Variants in TRMT44 observed in about 807,000 individuals in gnomAD.
TRMT44 encodes probable tRNA (uracil-O(2)-)-methyltransferase.
Under a neutral mutation model 77.3 loss-of-function variants are expected in TRMT44, and 78 were observed. That is an observed-to-expected ratio of 1.01 (90% CI 0.84 to 1.22). The LOEUF is 1.22. Among genes scored for constraint, TRMT44 ranks in the 50% most tolerant of loss-of-function variants. The pLI is 0.00. For synonymous variants in TRMT44, 391 were observed against 383.3 expected, an observed-to-expected ratio of 1.02 and a Z score of -0.23; for missense variants, 1,090 against 964.4, an observed-to-expected ratio of 1.13 and a Z score of -1.73.
At chr4:8,482,067 CT>C (rs1160413650) in intron 2 of TRMT44, among the ~76,000 whole-genome samples, 1 of 152,224 alleles carries the variant, frequency 6.6e-6, no homozygotes, top group Non-Finnish European at 1.5e-5. Flanking sequence ...GTCTGCAAAG[CT>C]TTTGCTAAAC....
chr4:8,440,803 C>T lies in TRMT44; in HGVS notation c.-20C>T, dbSNP rs1560214175. ...TCATCTCGGCGCGCCGCTGCCAGGGCTGTACACCTGCTGGCTGCCATGGCT... is the reference window on the plus strand; with the variant it reads ...TCATCTCGGCGCGCCGCTGCCAGGGTTGTACACCTGCTGGCTGCCATGGCT... On this transcript the variant is annotated 5_prime_UTR_variant, in exon 1 of 11. Coordinates refer to ENST00000389737, the MANE Select transcript of TRMT44 (RefSeq NM_152544.3). The T allele has an allele frequency of 3.5e-6, 5 of 1,435,148 alleles. No individual in the cohort carries two copies. Among genetic ancestry groups the T allele is most frequent in the Middle Eastern group, 2.5e-4 (1 of 4,016 alleles). 88.9% of individuals were successfully genotyped at this position (1,435,148 alleles called of 1,614,324 possible).
the TRMT44 span, among the ~76,000 whole-genome samples, chr4:8,501,776 A>C: frequency 6.6e-6 from 1 of 152,060 alleles, no homozygotes. This position sits in a 1 kb window ranked among gnomAD's most constrained non-coding sequence, Gnocchi z 4.4. Context: ...CTGGAGTCTC[A>C]AGGGCTCTGC....
intron 2 of TRMT44, among the ~76,000 whole-genome samples, chr4:8,489,055 C>G (rs1003895220): frequency 1.3e-5 from 2 of 152,226 alleles, no homozygotes; most frequent in Non-Finnish European, 2.9e-5. Context: ...TAGCACCACC[C>G]ACAAGTAAGA....
chr4:8,483,287 T>C (rs1727685042), intron 2 of TRMT44, among the ~76,000 whole-genome samples: 1 of 152,188 alleles, frequency 6.6e-6, no homozygotes, highest in African/African-American at 2.4e-5. Context: ...CACCAGGAGA[T>C]ATCAGCTGTG....
chr4:8,480,099 A>G (rs943734150), downstream of TRMT44, among the ~76,000 whole-genome samples: 2 of 152,056 alleles, frequency 1.3e-5, no homozygotes, highest in Non-Finnish European at 2.9e-5. Flanking sequence ...GGTGGCGAAT[A>G]TTTGAGTTGT....
chr4:8,491,130 G>A (rs1286470812), intron 2 of TRMT44, among the ~76,000 whole-genome samples: 1 of 151,762 alleles, frequency 6.6e-6, no homozygotes, highest in Non-Finnish European at 1.5e-5. Context: ...CACCAGAGCA[G>A]CTAGATACAG....
downstream of TRMT44, among the ~76,000 whole-genome samples, chr4:8,497,989 G>T (rs1470554096): frequency 6.6e-6 from 1 of 152,188 alleles, no homozygotes; most frequent in Non-Finnish European, 1.5e-5. Context: ...CTGAGAGCAT[G>T]GCCTTGCTCA....
chr4:8,487,576 TAAG>T (rs1445288682), intron 2 of TRMT44, among the ~76,000 whole-genome samples: 2 of 147,686 alleles, frequency 1.4e-5, no homozygotes, highest in South Asian at 2.1e-4. Flanking sequence ...GGTGCAGAGA[TAAG>T]AGGTTGGGGC....
intron 8 of TRMT44, among the ~76,000 whole-genome samples, chr4:8,467,059 G>A (rs1215244300): frequency 1.3e-5 from 2 of 152,192 alleles, no homozygotes; most frequent in South Asian, 4.1e-4. Flanking sequence ...CTGGTTGTCC[G>A]GAGGGGACTG....
chr4:8,476,110 C>T lies in TRMT44; in HGVS notation c.*109C>T, dbSNP rs1046822880. 1.1e-5 allele frequency: 11 copies of T among 968,582 alleles called. No homozygotes were observed. In the Admixed American group the frequency reaches 1.9e-4, roughly 16 times the overall value. The allele number at this position is 968,582 out of a possible 1,614,324, so 60.0% of individuals were successfully genotyped here. ...GCTCTGGCTGTGTTTCAGCCCACCT[C>T]CTCCCAGCTTTCTCCACATCCTCAC... On this transcript the variant is annotated 3_prime_UTR_variant, in exon 11 of 11. Coordinates refer to ENST00000389737, the MANE Select transcript of TRMT44 (RefSeq NM_152544.3).
At chr4:8,488,885 T>A (rs139575615) in intron 2 of TRMT44, among the ~76,000 whole-genome samples, 32 of 152,128 alleles carry the variant, frequency 2.1e-4, no homozygotes, top group African/African-American at 7.2e-4. Context: ...AAGGGAGTGG[T>A]ATTTGGAGGG....
chr4:8,453,188 A>C (rs1168624619), intron 5 of TRMT44, among the ~76,000 whole-genome samples, 199 bp downstream of exon 5: 3 of 152,314 alleles, frequency 2.0e-5, no homozygotes, highest in Non-Finnish European at 2.9e-5. Flanking sequence ...TGGTGATCTC[A>C]TTGGACCTAA....
At chr4:8,489,053 C>A (rs886344853) in intron 2 of TRMT44, among the ~76,000 whole-genome samples, 5 of 152,226 alleles carry the variant, frequency 3.3e-5, no homozygotes, top group Non-Finnish European at 5.9e-5. Flanking sequence ...AGTAGCACCA[C>A]CCACAAGTAA....
Position 8,449,669 on chromosome 4 carries a change from G to T in TRMT44, c.735G>T (p.Trp245Cys), listed in dbSNP as rs977584561. The change falls in exon 3 of 11, where the codon TGG (tryptophan) becomes TGT (cysteine). Residue 245 changes from tryptophan (W) to cysteine (C), a missense_variant and splice_region_variant. Coordinates refer to ENST00000389737, the MANE Select transcript of TRMT44 (RefSeq NM_152544.3). ...QIQLSHSKEE[W>C]FISVLIFCPE... is the part of the protein sequence containing the mutation. ...ATTCATATTTCTCTTATTTTTAAAG[G>T]TTCATATCTGTTTTAATTTTCTGTC... is the stretch of plus-strand genomic sequence containing the variant. 8 of 1,532,242 alleles carry T rather than the reference G, an allele frequency of 5.2e-6. No homozygotes were observed. The highest frequency in any genetic ancestry group is 2.7e-5 in the African/African-American group (2 of 72,912). The allele number at this position is 1,532,242 out of a possible 1,614,324, so 94.9% of individuals were successfully genotyped here. A position where few individuals can be genotyped will look rare whatever the true frequency, so the allele number is the denominator to read the frequency against.
At position 8,488,612 on chromosome 4, in the gene TRMT44, ACTT is replaced by A. The variant is rs1423273622; in HGVS notation, n.3892-4650_3892-4648del. Among the ~76,000 whole-genome samples, 6 of 152,160 alleles carry A rather than the reference ACTT, an allele frequency of 3.9e-5. No homozygotes were observed. In the East Asian group the frequency reaches 5.8e-4, roughly 15 times the overall value. On this transcript the variant is annotated intron_variant and non_coding_transcript_variant, in intron 2 of 2. Coordinates refer to the TRMT44 transcript ENST00000511366. ...AGTTAAGGTGGGGCAGGGCATTTTC[ACTT>A]CTTTTGTGATTCTTCAGTTACTTCA...
downstream of TRMT44, among the ~76,000 whole-genome samples, chr4:8,480,582 G>T (rs562369511): frequency 2.2e-4 from 33 of 152,298 alleles, no homozygotes; most frequent in African/African-American, 7.5e-4. Flanking sequence ...CAATTCCTGA[G>T]ATTTTATTGG....
intron 2 of TRMT44, among the ~76,000 whole-genome samples, chr4:8,485,041 G>A (rs1042363908): frequency 1.1e-4 from 17 of 152,220 alleles, no homozygotes; most frequent in African/African-American, 4.1e-4. Context: ...GGGCTACAAA[G>A]AAGGTCATCA....
chr4:8,495,919 T>G (rs375682868), downstream of TRMT44, among the ~76,000 whole-genome samples: 16 of 152,338 alleles, frequency 1.1e-4, no homozygotes, highest in African/African-American at 3.8e-4. Flanking sequence ...CCACAACCAA[T>G]CAGACTGGTC....
intron 1 of TRMT44, among the ~76,000 whole-genome samples, chr4:8,442,394 T>C (rs544779208): frequency 5.9e-5 from 9 of 152,378 alleles, no homozygotes; most frequent in African/African-American, 2.2e-4. Context: ...TTATTTTTAC[T>C]GCCCGTGACC....
Sources: gnomAD v4.1 joint callset for allele counts (sites outside exome capture counted in the v4.1 genomes callset) on GRCh38, gnomAD v4.1.1 for gene constraint, Gnocchi (gnomAD v3.1) non-coding constraint, MANE v1.5 for transcripts, NCBI Gene and HGNC (gene_info 2026-07-23, HGNC 2026-07-21) for gene names.